HOMER2: variants seen among roughly 807,000 people sequenced by gnomAD.
HOMER2 encodes the protein homer protein homolog 2.
Under a neutral mutation model 47.0 loss-of-function variants are expected in HOMER2, and 27 were observed. The ratio of observed to expected loss-of-function variants is 0.57; its 90% CI spans 0.42 to 0.79. HOMER2 has a LOEUF of 0.79. Ranked by LOEUF, HOMER2 falls within the 30% of genes least tolerant of loss-of-function variation. The probability of loss-of-function intolerance (pLI) is 0.00; values close to 1 mark genes in which losing one functional copy is unlikely to be tolerated. For missense variants in HOMER2, 443 were observed against 435.0 expected (o/e 1.02, Z -0.16); for synonymous variants, 161 against 163.8 (o/e 0.98, Z 0.13).
At chr15:82,955,762 G>C (rs1184944252), upstream of HOMER2, among the ~76,000 whole-genome samples, 1 of 152,134 alleles carries the variant, frequency 6.6e-6, no homozygotes, top group Non-Finnish European at 1.5e-5. Flanking sequence ...CTGTGTATCT[G>C]GTACTGTGTT....
At chr15:82,855,492 T>C (rs533322149) in intron 5 of HOMER2, among the ~76,000 whole-genome samples, 64 of 152,188 alleles carry the variant, frequency 4.2e-4, no homozygotes, top group African/African-American at 1.5e-3. Context: ...CCTTCAAGAA[T>C]CGTATGAAAG....
intron 4 of HOMER2, among the ~76,000 whole-genome samples, chr15:82,863,821 CTT>C (rs1403559868): frequency 1.3e-5 from 2 of 152,206 alleles, no homozygotes; most frequent in Non-Finnish European, 2.9e-5. Context: ...AAGTCTCTCT[CTT>C]GTGGGCACAA....
intron 1 of HOMER2, among the ~76,000 whole-genome samples, chr15:82,978,168 T>C (rs1349276855): frequency 1.3e-5 from 2 of 151,708 alleles, no homozygotes; most frequent in Non-Finnish European, 2.9e-5. Context: ...CAAACAAACC[T>C]GGAGAGGAAG....
At chr15:82,889,312 G>A (rs2052637714) in intron 2 of HOMER2, among the ~76,000 whole-genome samples, 3 of 152,240 alleles carry the variant, frequency 2.0e-5, no homozygotes, top group African/African-American at 7.2e-5. Context: ...CCATTCCTAA[G>A]TGGTCTGCCT....
intron 1 of HOMER2, among the ~76,000 whole-genome samples, chr15:82,950,104 G>C (rs1484833580): frequency 6.6e-6 from 1 of 152,128 alleles, no homozygotes; most frequent in Non-Finnish European, 1.5e-5. Flanking sequence ...TACTAGACTA[G>C]GTGGTGGCAA....
chr15:82,896,423 G>C (rs1454201400), intron 1 of HOMER2, among the ~76,000 whole-genome samples: 1 of 152,194 alleles, frequency 6.6e-6, no homozygotes, highest in Non-Finnish European at 1.5e-5. Context: ...CTCCAAATCT[G>C]CCTGCTCAGC....
intron 1 of HOMER2, among the ~76,000 whole-genome samples, chr15:82,919,707 T>C (rs1022645566): frequency 6.6e-6 from 1 of 152,212 alleles, no homozygotes; most frequent in Non-Finnish European, 1.5e-5. Flanking sequence ...ATAAATATTG[T>C]TCCCTGCAGA....
intron 6 of HOMER2, among the ~76,000 whole-genome samples, chr15:82,853,902 C>T (rs1482918055): frequency 1.1e-4 from 17 of 152,156 alleles, no homozygotes; most frequent in Non-Finnish European, 2.9e-5. Context: ...TGTTTAGAAA[C>T]AATAATGTGA....
chr15:82,855,974 G>A (rs1455014930), intron 5 of HOMER2, among the ~76,000 whole-genome samples: 3 of 152,114 alleles, frequency 2.0e-5, no homozygotes, highest in Non-Finnish European at 2.9e-5. Flanking sequence ...GGAGGTTTCC[G>A]CCTGGCTAAG....
chr15:82,888,690 G>A lies in HOMER2; in HGVS notation c.162+3995C>T, dbSNP rs1258388532. Among the ~76,000 whole-genome samples, 4 of 78,710 alleles carry A rather than the reference G, an allele frequency of 5.1e-5. 1 individual carries two copies. The highest frequency in any genetic ancestry group is 1.6e-3 in the East Asian group (2 of 1,254). 51.6% of individuals were successfully genotyped at this position (78,710 alleles called of 152,430 possible). A position where few individuals can be genotyped will look rare whatever the true frequency, so the allele number is the denominator to read the frequency against. On this transcript the variant is annotated intron_variant, in intron 2 of 8. Coordinates refer to ENST00000450735, the MANE Select transcript of HOMER2 (RefSeq NM_004839.4). ...CGTCCGTCACCCCTTTCTTTGACTCGGAAAGGGAACTCCCTGACCCCTTGC... is the reference window on the plus strand; with the variant it reads ...CGTCCGTCACCCCTTTCTTTGACTCAGAAAGGGAACTCCCTGACCCCTTGC...
rs563567230 is a variant in HOMER2, at chr15:82,937,961, C to T, written c.5+14570G>A. 6.7e-4 allele frequency among the ~76,000 whole-genome samples: 102 copies of T among 152,364 alleles called. 1 individual carries two copies. Among genetic ancestry groups the T allele is most frequent in the African/African-American group, 2.3e-3 (95 of 41,588 alleles). On this transcript the variant is annotated intron_variant, in intron 1 of 8. Coordinates refer to ENST00000450735, the MANE Select transcript of HOMER2 (RefSeq NM_004839.4). ...CGGTCCCTGAAGGCTGTTCTCTAGT[C>T]AGTATTTGCTTCAGCTCACTCCTCG...
At chr15:82,867,565 T>C (rs2052016464) in intron 3 of HOMER2, among the ~76,000 whole-genome samples, 1 of 152,138 alleles carries the variant, frequency 6.6e-6, no homozygotes, top group Admixed American at 6.6e-5. Flanking sequence ...AAAACACCAT[T>C]CAGCCTTGTT....
intron 1 of HOMER2, among the ~76,000 whole-genome samples, chr15:82,929,547 T>G (rs1402941983): frequency 6.7e-6 from 1 of 149,830 alleles, no homozygotes; most frequent in Non-Finnish European, 1.5e-5. Flanking sequence ...TCCCAGCTAC[T>G]TGGGAGGCTG....
chr15:82,968,729 T>C (rs1464606319), intron 1 of HOMER2, among the ~76,000 whole-genome samples: 2 of 152,236 alleles, frequency 1.3e-5, no homozygotes, highest in African/African-American at 4.8e-5. Context: ...TTAAGTGCTT[T>C]GGGGCTATAG....
chr15:82,916,082 T>C (rs532164593), intron 1 of HOMER2, among the ~76,000 whole-genome samples: 15 of 152,246 alleles, frequency 9.9e-5, no homozygotes, highest in African/African-American at 3.4e-4. Context: ...CCCTACCAAA[T>C]AGAATTAGCC....
chr15:82,957,559 A>G (rs1029089052), upstream of HOMER2, among the ~76,000 whole-genome samples: 2 of 152,138 alleles, frequency 1.3e-5, no homozygotes, highest in African/African-American at 2.4e-5. Flanking sequence ...CACTTTGCCA[A>G]TCTGTATCCA....
At chr15:82,871,518 T>C (rs1180018250) in intron 3 of HOMER2, among the ~76,000 whole-genome samples, 1 of 152,180 alleles carries the variant, frequency 6.6e-6, no homozygotes, top group Non-Finnish European at 1.5e-5. Flanking sequence ...ACTCACTTCA[T>C]GATAATTTAT....
chr15:82,859,597 T>C (rs757898771), intron 4 of HOMER2, among the ~76,000 whole-genome samples: 1 of 152,148 alleles, frequency 6.6e-6, no homozygotes, highest in Non-Finnish European at 1.5e-5. Context: ...AGGAGACAAC[T>C]TAAATATCTT....
Position 82,933,788 on chromosome 15 carries a change from G to A in HOMER2, c.5+18743C>T, listed in dbSNP as rs543788635. 1.4e-4 allele frequency among the ~76,000 whole-genome samples: 21 copies of A among 152,238 alleles called. No homozygotes were observed. In the East Asian group the frequency reaches 3.1e-3, roughly 22 times the overall value. On this transcript the variant is annotated intron_variant, in intron 1 of 8. Transcript: ENST00000450735. The stretch of plus-strand genomic sequence containing the variant: ...TCCTGGCAACCACATCACCAGGGCT[G>A]ACTCACAGGGAGCTCACCTTCCACT...
Sources: gnomAD v4.1 joint callset for allele counts (sites outside exome capture counted in the v4.1 genomes callset) on GRCh38, gnomAD v4.1.1 for gene constraint, MANE v1.5 for transcripts, NCBI Gene and HGNC (gene_info 2026-07-23, HGNC 2026-07-21) for gene names.